The following LRP1B variants were observed in gnomAD, a reference collection of about 807,000 sequenced individuals.
The protein encoded by LRP1B is low-density lipoprotein receptor-related protein 1B.
LRP1B carries 217 observed loss-of-function variants against 556.6 expected under a neutral mutation model. The observed-to-expected ratio is 0.39, with a 90% CI of 0.35 to 0.44. The LOEUF (loss-of-function observed/expected upper bound fraction) is 0.44, where lower values mean the gene tolerates loss of function less well. Among genes scored for constraint, LRP1B ranks in the 20% least tolerant of loss-of-function variants. The pLI is 1.00. For missense variants in LRP1B, 5,053 were observed against 5,620.8 expected (o/e 0.90, Z 3.23); for synonymous variants, 2,047 against 1,865.8 (o/e 1.10, Z -2.50).
intron 3 of LRP1B, among the ~76,000 whole-genome samples, chr2:141,326,683 G>A (rs926012491): frequency 6.6e-6 from 1 of 152,122 alleles, no homozygotes; most frequent in Middle Eastern, 3.2e-3. Flanking sequence ...GAAGGCCAGA[G>A]ATAGTGCTAA....
chr2:142,122,750 T>G lies in LRP1B; in HGVS notation c.82+7898A>C, dbSNP rs1574710331. 2.6e-5 allele frequency among the ~76,000 whole-genome samples: 4 copies of G among 152,060 alleles called. 1 individual carries two copies. In the South Asian group the frequency reaches 8.3e-4, roughly 31 times the overall value. On this transcript the variant is annotated intron_variant, in intron 1 of 90. Coordinates refer to ENST00000389484, the MANE Select transcript of LRP1B (RefSeq NM_018557.3). ...ACTCACGAGGTGGTGTCATTATCAC[T>G]GTACTTCCAGATCTTAGTCATGAAA...
intron 1 of LRP1B, among the ~76,000 whole-genome samples, chr2:141,987,990 C>T (rs909456203): frequency 1.3e-5 from 2 of 151,778 alleles, no homozygotes; most frequent in African/African-American, 4.8e-5. Flanking sequence ...CTTTCATTTC[C>T]TTGTTGATCA....
chr2:141,495,482 C>T (rs981393540), intron 2 of LRP1B, among the ~76,000 whole-genome samples: 3 of 151,988 alleles, frequency 2.0e-5, no homozygotes, highest in Non-Finnish European at 2.9e-5. Flanking sequence ...TTCAATCTGG[C>T]CTTAAATTCA....
At chr2:140,602,205 A>T (rs1170050208) in intron 41 of LRP1B, among the ~76,000 whole-genome samples, 2 of 32,088 alleles carry the variant, frequency 6.2e-5, no homozygotes, top group African/African-American at 1.2e-4. Context: ...CTAATGAGAT[A>T]AAAAAAAACA....
chr2:141,096,345 C>T (rs996873251), intron 7 of LRP1B, among the ~76,000 whole-genome samples: 4 of 151,784 alleles, frequency 2.6e-5, no homozygotes, highest in South Asian at 2.1e-4. Flanking sequence ...CCCAGCACTT[C>T]GGGAGGCTGA....
At chr2:140,821,527 A>G (rs1691328520) in intron 31 of LRP1B, among the ~76,000 whole-genome samples, 1 of 152,202 alleles carries the variant, frequency 6.6e-6, no homozygotes, top group Admixed American at 6.5e-5. Flanking sequence ...CATATCCAAG[A>G]CTTTTTTAAA....
At chr2:140,653,835 G>C (rs148397684) in intron 41 of LRP1B, among the ~76,000 whole-genome samples, 1,812 of 151,728 alleles carry the variant, frequency 0.012, 32 homozygotes, top group African/African-American at 0.039. Flanking sequence ...GGCCAGCCTG[G>C]CTAACATGGT....
intron 2 of LRP1B, among the ~76,000 whole-genome samples, chr2:141,750,867 A>C (rs115826569): frequency 6.6e-5 from 10 of 152,196 alleles, no homozygotes; most frequent in African/African-American, 2.4e-4. Flanking sequence ...TCAAAATAAA[A>C]ATAGATTTAT....
intron 2 of LRP1B, among the ~76,000 whole-genome samples, chr2:141,674,895 G>A (rs1397261763): frequency 2.0e-5 from 3 of 151,846 alleles, no homozygotes; most frequent in African/African-American, 4.8e-5. Flanking sequence ...GAAAGCATGG[G>A]GCAATTTATA....
chr2:141,011,396 T>C (rs1302176551), intron 14 of LRP1B, among the ~76,000 whole-genome samples: 1 of 152,042 alleles, frequency 6.6e-6, no homozygotes, highest in Non-Finnish European at 1.5e-5. Flanking sequence ...ATTCAGCTGC[T>C]TTGATCAATG....
intron 1 of LRP1B, among the ~76,000 whole-genome samples, chr2:142,122,987 T>C (rs549032218): frequency 6.6e-6 from 1 of 152,184 alleles, no homozygotes; most frequent in East Asian, 1.9e-4. Context: ...CTCAGCTACT[T>C]GATCTGAGCA....
At chr2:142,067,495 G>A (rs1705149366) in intron 1 of LRP1B, among the ~76,000 whole-genome samples, 1 of 151,390 alleles carries the variant, frequency 6.6e-6, no homozygotes, top group South Asian at 2.1e-4. Context: ...AGTAAAGTGT[G>A]GACTAAAAAA....
intron 1 of LRP1B, among the ~76,000 whole-genome samples, chr2:141,819,897 G>T (rs944651013): frequency 2.0e-5 from 3 of 151,870 alleles, no homozygotes; most frequent in Non-Finnish European, 2.9e-5. Flanking sequence ...TATAACAAAG[G>T]CTTCAGTGAA....
chr2:142,070,035 C>T (rs1705252409), intron 1 of LRP1B, among the ~76,000 whole-genome samples: 1 of 151,756 alleles, frequency 6.6e-6, no homozygotes, highest in Non-Finnish European at 1.5e-5. Flanking sequence ...TAGACCTCTT[C>T]TTAGCCTTGT....
At chr2:140,459,574 T>A (rs1687232877) in intron 60 of LRP1B, among the ~76,000 whole-genome samples, 3 of 152,220 alleles carry the variant, frequency 2.0e-5, no homozygotes. Flanking sequence ...TTTTAATTAT[T>A]CAGCAGTAAC....
At chr2:141,898,900 A>T (rs573749960) in intron 1 of LRP1B, among the ~76,000 whole-genome samples, 3 of 152,288 alleles carry the variant, frequency 2.0e-5, no homozygotes, top group African/African-American at 7.2e-5. Flanking sequence ...TTCTAAAATG[A>T]AAATAATTTA....
At chr2:141,898,779 A>C (rs1699531749) in intron 1 of LRP1B, among the ~76,000 whole-genome samples, 1 of 152,108 alleles carries the variant, frequency 6.6e-6, no homozygotes, top group Non-Finnish European at 1.5e-5. Context: ...TATTACCTAC[A>C]AGTCATCACT....
chr2:141,289,477 G>GAATAT (rs1299718463), intron 3 of LRP1B, among the ~76,000 whole-genome samples: 7 of 151,448 alleles, frequency 4.6e-5, no homozygotes, highest in Admixed American at 2.0e-4. Context: ...AATGGTACTG[G>GAATAT]AATATATAAT....
intron 7 of LRP1B, among the ~76,000 whole-genome samples, chr2:141,142,282 C>T (rs947515228): frequency 1.3e-5 from 2 of 152,186 alleles, no homozygotes; most frequent in Non-Finnish European, 1.5e-5. Flanking sequence ...AGACAAAACA[C>T]TAATGATTGG....
Sources: gnomAD v4.1 joint callset for allele counts (sites outside exome capture counted in the v4.1 genomes callset) on GRCh38, gnomAD v4.1.1 for gene constraint, MANE v1.5 for transcripts, NCBI Gene and HGNC (gene_info 2026-07-23, HGNC 2026-07-21) for gene names.